The following CLYBL variants were observed in gnomAD, a reference collection of about 807,000 sequenced individuals.
CLYBL encodes citramalyl-CoA lyase, mitochondrial.
CLYBL carries 31 observed loss-of-function variants against 38.9 expected under a neutral mutation model. The ratio of observed to expected loss-of-function variants is 0.80; its 90% CI spans 0.60 to 1.08. The LOEUF (loss-of-function observed/expected upper bound fraction) is 1.08, where lower values mean the gene tolerates loss of function less well. CLYBL is among the 50% of genes least tolerant of loss of function. CLYBL has a pLI of 0.00. For synonymous variants in CLYBL, 171 were observed against 158.6 expected, an observed-to-expected ratio of 1.08 and a Z score of -0.59; for missense variants, 434 against 411.6, an observed-to-expected ratio of 1.05 and a Z score of -0.47.
At chr13:99,637,362 G>A (rs1206628906) in intron 1 of CLYBL, among the ~76,000 whole-genome samples, 2 of 152,168 alleles carry the variant, frequency 1.3e-5, no homozygotes, top group Admixed American at 1.3e-4. Context: ...TGTTATCACT[G>A]CCCTAAGCCA....
chr13:99,729,567 C>T (rs1420708822), intron 1 of CLYBL, among the ~76,000 whole-genome samples: 4 of 152,034 alleles, frequency 2.6e-5, no homozygotes, highest in Non-Finnish European at 5.9e-5. Flanking sequence ...AAAGTGAGGC[C>T]GGAGACTCAT....
In CLYBL at chr13:99,859,028, A is replaced by C. The variant is rs773435473; in HGVS notation, c.417A>C (p.Glu139Asp). ...LPSSLMLPKV[E>D]SPEEIQWFAD... ...CCAGCCTGATGCTACCAAAGGTGGA[A>C]AGTCCTGAAGAAATCCAGTGGGTGA... Residue 139 changes from glutamate (E) to aspartate (D), a missense_variant, in exon 3 of 9, where the codon GAA becomes GAC. Coordinates refer to ENST00000339105, the MANE Select transcript of CLYBL (RefSeq NM_206808.5). 35 of 1,613,218 alleles carry C rather than the reference A, an allele frequency of 2.2e-5. No homozygotes were observed. Among genetic ancestry groups the C allele is most frequent in the Admixed American group, 3.3e-5 (2 of 59,856 alleles).
At chr13:99,695,594 A>C (rs1325055332) in intron 1 of CLYBL, among the ~76,000 whole-genome samples, 1 of 151,850 alleles carries the variant, frequency 6.6e-6, no homozygotes, top group Non-Finnish European at 1.5e-5. Flanking sequence ...ATCTTGGCTC[A>C]CTGCAACCTC....
intron 2 of CLYBL, among the ~76,000 whole-genome samples, chr13:99,781,962 C>T (rs1456222086): frequency 3.3e-5 from 5 of 152,208 alleles, no homozygotes; most frequent in East Asian, 1.9e-4. Flanking sequence ...TTATTTCTCT[C>T]GCACTGTATG....
In CLYBL at chr13:99,821,026, T is replaced by C. The variant is rs142040951; in HGVS notation, c.250-37835T>C. ...GAGTGCCCATTCCATGTTAAATAAT[T>C]AGGTGATTTGTGTTTTAAATGCTTT... On this transcript the variant is annotated intron_variant, in intron 2 of 8. Coordinates refer to ENST00000339105, the MANE Select transcript of CLYBL (RefSeq NM_206808.5). Among the ~76,000 whole-genome samples the C allele has an allele frequency of 8.6e-3, 1,316 of 152,316 alleles. 8 individuals are homozygous for C. The highest frequency in any genetic ancestry group is 0.031 in the African/African-American group (1,285 of 41,554).
At chr13:99,669,823 T>C (rs1446512570) in intron 1 of CLYBL, among the ~76,000 whole-genome samples, 4 of 152,342 alleles carry the variant, frequency 2.6e-5, no homozygotes, top group Non-Finnish European at 2.9e-5. Context: ...AGTTTCCTTA[T>C]AGGCATATTT....
chr13:99,633,230 AAAAAAG>A (rs1490503938), intron 1 of CLYBL, among the ~76,000 whole-genome samples: 15 of 142,668 alleles, frequency 1.1e-4, no homozygotes, highest in Middle Eastern at 3.6e-3. Flanking sequence ...AAAAAAAAAA[AAAAAAG>A]AGAAGAGAAG....
At chr13:99,686,261 A>G (rs1490826282) in intron 1 of CLYBL, among the ~76,000 whole-genome samples, 1 of 152,126 alleles carries the variant, frequency 6.6e-6, no homozygotes, top group Non-Finnish European at 1.5e-5. Flanking sequence ...TAGCTGCTCC[A>G]TTTGGACTAT....
intron 1 of CLYBL, among the ~76,000 whole-genome samples, chr13:99,753,131 G>A (rs773531205): frequency 2.0e-5 from 3 of 152,070 alleles, no homozygotes; most frequent in African/African-American, 4.8e-5. Flanking sequence ...GGATGGTCCC[G>A]AGGTGAGCAG....
intron 1 of CLYBL, among the ~76,000 whole-genome samples, chr13:99,663,911 C>T (rs2047443886): frequency 1.3e-5 from 2 of 152,226 alleles, no homozygotes; most frequent in Non-Finnish European, 2.9e-5. Flanking sequence ...TCACGTGATG[C>T]AGACAGAGAT....
intron 1 of CLYBL, among the ~76,000 whole-genome samples, chr13:99,693,374 T>C (rs1052106613): frequency 2.6e-5 from 4 of 152,136 alleles, no homozygotes; most frequent in Non-Finnish European, 5.9e-5. Flanking sequence ...ATCACCAGCA[T>C]ACCTGGGAAC....
At chr13:99,608,540 G>A (rs567453930) in intron 1 of CLYBL, among the ~76,000 whole-genome samples, 13 of 152,208 alleles carry the variant, frequency 8.5e-5, no homozygotes, top group African/African-American at 3.1e-4. Flanking sequence ...GTGTATCCAG[G>A]CTGGTCCAGA....
chr13:99,851,974 G>A (rs758954508), intron 2 of CLYBL, among the ~76,000 whole-genome samples: 1 of 152,102 alleles, frequency 6.6e-6, no homozygotes, highest in Non-Finnish European at 1.5e-5. Context: ...GACAAAATGT[G>A]ACCTATCCAT....
intron 2 of CLYBL, among the ~76,000 whole-genome samples, chr13:99,809,097 C>T (rs2050288682): frequency 6.6e-6 from 1 of 152,154 alleles, no homozygotes; most frequent in East Asian, 1.9e-4. Flanking sequence ...TAGACACACA[C>T]CTCCCAGCTT....
chr13:99,621,845 G>A (rs1054834127), intron 1 of CLYBL, among the ~76,000 whole-genome samples: 1 of 151,978 alleles, frequency 6.6e-6, no homozygotes, highest in Non-Finnish European at 1.5e-5. Context: ...TGGGGCCAGG[G>A]AAGCCAAAAA....
At chr13:99,732,944 A>G (rs907567143) in intron 1 of CLYBL, among the ~76,000 whole-genome samples, 2 of 152,222 alleles carry the variant, frequency 1.3e-5, no homozygotes, top group Non-Finnish European at 2.9e-5. Flanking sequence ...AATTTTTAAA[A>G]TGCTTTACAA....
intron 1 of CLYBL, among the ~76,000 whole-genome samples, chr13:99,757,130 G>C (rs898121039): frequency 9.9e-5 from 15 of 152,224 alleles, no homozygotes; most frequent in African/African-American, 3.1e-4. Context: ...GAACTCCTGG[G>C]CTCAAGTGAT....
At chr13:99,857,050 C>T (rs1325888685) in intron 2 of CLYBL, among the ~76,000 whole-genome samples, 2 of 151,910 alleles carry the variant, frequency 1.3e-5, no homozygotes, top group Admixed American at 6.5e-5. Flanking sequence ...CACCGTGGCT[C>T]ACACCTGTAA....
chr13:99,892,856 G>A (rs2052520465), downstream of CLYBL: 1 of 152,214 alleles, frequency 6.6e-6, no homozygotes, highest in Non-Finnish European at 1.5e-5. Flanking sequence ...AAGCCCGAGA[G>A]GTGAGGAGCT....
Sources: allele counts gnomAD v4.1 joint callset (sites outside exome capture counted in the v4.1 genomes callset), GRCh38; gene constraint gnomAD v4.1.1; transcripts MANE v1.5; gene names NCBI Gene and HGNC (gene_info 2026-07-23, HGNC 2026-07-21).